The following LCP1 variants were observed in gnomAD, a reference collection of about 807,000 sequenced individuals.
The protein encoded by LCP1 is lymphocyte cytosolic protein 1.
In LCP1, 23 loss-of-function variants were observed where a neutral mutation model predicts 72.0. That is an observed-to-expected ratio of 0.32 (90% CI 0.23 to 0.45). The LOEUF is 0.45. Among genes scored for constraint, LCP1 ranks in the 20% least tolerant of loss-of-function variants. LCP1 has a pLI of 1.00. For missense variants in LCP1, 571 were observed against 748.3 expected, an observed-to-expected ratio of 0.76 and a Z score of 2.76; for synonymous variants, 245 against 275.4, an observed-to-expected ratio of 0.89 and a Z score of 1.09.
intron 1 of LCP1, among the ~76,000 whole-genome samples, chr13:46,175,414 C>A (rs1320949958): frequency 2.0e-5 from 3 of 152,188 alleles, no homozygotes; most frequent in Non-Finnish European, 2.9e-5. Flanking sequence ...TTACCAAGAG[C>A]CCAGAATATA....
chr13:46,134,563 C>A (rs2045652698), intron 13 of LCP1, among the ~76,000 whole-genome samples: 2 of 152,006 alleles, frequency 1.3e-5, no homozygotes, highest in South Asian at 4.1e-4. Flanking sequence ...AAGATTCCAA[C>A]CTGTGGCAAT....
chr13:46,129,047 T>G (rs2045618525), intron 15 of LCP1, among the ~76,000 whole-genome samples: 1 of 152,192 alleles, frequency 6.6e-6, no homozygotes, highest in South Asian at 2.1e-4. Context: ...AATAACTTCT[T>G]CCATATTAAT....
At chr13:46,158,475 G>T in intron 4 of LCP1, 47 bp downstream of exon 4, 1 of 1,597,798 alleles carries the variant, frequency 6.3e-7, no homozygotes, top group South Asian at 1.1e-5. Context: ...ACCAAGTTTA[G>T]AATCTGTAAT....
chr13:46,148,088 C>G (rs565617532), intron 9 of LCP1, among the ~76,000 whole-genome samples: 70 of 152,326 alleles, frequency 4.6e-4, no homozygotes, highest in African/African-American at 1.5e-3. Context: ...GTTATAGAGT[C>G]TACTAAATGA....
rs763342721 is a variant in LCP1 at position 46,143,329 on chromosome 13, G to A, written c.1329C>T (p.Asn443=). 6 of 1,611,618 alleles carry A rather than the reference G, an allele frequency of 3.7e-6. No individual in the cohort carries two copies. Among genetic ancestry groups the A allele is most frequent in the Non-Finnish European group, 5.1e-6 (6 of 1,177,934 alleles). The change falls in exon 12 of 16, where the codon AAC becomes AAT. Residue 443 remains asparagine (N), a synonymous_variant. Transcript: ENST00000323076. ...CTCCCAGTTTGGGGTATGGCGGTTT[G>A]TTTACTCTGTTCCAGTCAACAGGAA... ...IKVPVDWNRV[N]KPPYPKLGGN...
At chr13:46,177,660 C>T (rs1332558272) in intron 1 of LCP1, among the ~76,000 whole-genome samples, 1 of 152,120 alleles carries the variant, frequency 6.6e-6, no homozygotes, top group Non-Finnish European at 1.5e-5. Context: ...GATCGCGCCA[C>T]TGCACTCCAG....
intron 14 of LCP1, 55 bp from the exon 15 acceptor site, chr13:46,130,993 C>A: frequency 6.6e-7 from 1 of 1,520,000 alleles, no homozygotes; most frequent in Non-Finnish European, 8.8e-7. Context: ...TACTCCCATT[C>A]AGCTCAAAGG....
Position 46,147,094 on chromosome 13 carries a change from C to T in LCP1, c.988G>A (p.Asp330Asn), listed in dbSNP as rs1170289327. The T allele has an allele frequency of 6.3e-7, 1 of 1,585,990 alleles. No individual in the cohort carries two copies. The highest frequency in any genetic ancestry group is 8.6e-7 in the Non-Finnish European group (1 of 1,167,886). The change falls in exon 10 of 16, where the codon GAC (aspartate) becomes AAC (asparagine). Residue 330 changes from aspartate to asparagine, a missense_variant. By Grantham distance (23) the Asp-to-Asn change is conservative (BLOSUM62 1). Transcript: ENST00000323076. Reference sequence around the variant, plus strand: ...AGCATGCATTCTGCCCTCTGGATGTCATCCTTCTCCTGCAATGCAAAAGGA... The same window carrying T: ...AGCATGCATTCTGCCCTCTGGATGTTATCCTTCTCCTGCAATGCAAAAGGA... ...IDMSGLREKD[D>N]IQRAECMLQQ...
In LCP1 at chr13:46,127,436, A is replaced by G. The variant is rs1411916846; in HGVS notation, c.*155T>C. The stretch of plus-strand genomic sequence containing the variant: ...AAGAATGAAGCACTTTTTGTTAAAT[A>G]CAGGAGAGGCTACTTGGCTGCACTA... On this transcript the variant is annotated 3_prime_UTR_variant, in exon 16 of 16. Transcript: ENST00000323076. The G allele has an allele frequency of 1.2e-6, 1 of 830,988 alleles. No individual in the cohort carries two copies. Among genetic ancestry groups the G allele is most frequent in the East Asian group, 2.7e-5 (1 of 37,486 alleles). 51.5% of individuals were successfully genotyped at this position (830,988 alleles called of 1,614,324 possible). A position where few individuals can be genotyped will look rare whatever the true frequency, so the allele number is the denominator to read the frequency against.
intron 1 of LCP1, among the ~76,000 whole-genome samples, chr13:46,179,620 A>G (rs2045947104): frequency 6.6e-6 from 1 of 152,210 alleles, no homozygotes; most frequent in Admixed American, 6.5e-5. Context: ...TCCGCCTTGA[A>G]AAATGATCAG....
chr13:46,158,423 T>C, intron 4 of LCP1, 99 bp downstream of exon 4: 2 of 1,367,176 alleles, frequency 1.5e-6, no homozygotes, highest in Non-Finnish European at 2.0e-6. Context: ...TCCATAAAGC[T>C]GTGTTTGCTT....
chr13:46,169,788 T>C (rs1204877399), intron 1 of LCP1: 1 of 152,200 alleles, frequency 6.6e-6, no homozygotes, highest in African/African-American at 2.4e-5. Context: ...GCCCTCCAAA[T>C]TTCCTTAGCA....
In LCP1 at chr13:46,164,402, T is replaced by C. The variant is rs1265952359; in HGVS notation, c.-24-4716A>G. On this transcript the variant is annotated intron_variant, in intron 1 of 15. Transcript: ENST00000323076. Reference sequence around the variant, plus strand: ...TTAAAAGACATAGAAAGTACATGTATTTTAAAATCATATTATTTTTAAACC... The same window carrying C: ...TTAAAAGACATAGAAAGTACATGTACTTTAAAATCATATTATTTTTAAACC... 2.6e-5 allele frequency among the ~76,000 whole-genome samples: 4 copies of C among 152,214 alleles called. No homozygotes were observed. In the East Asian group the frequency reaches 7.7e-4, roughly 29 times the overall value.
chr13:46,159,626 C>G lies in LCP1; in HGVS notation c.37G>C (p.Glu13Gln). The G allele has an allele frequency of 6.2e-7, 1 of 1,614,116 alleles. No homozygotes were observed. The highest frequency in any genetic ancestry group is 2.2e-5 in the East Asian group (1 of 44,870). The part of the protein sequence containing the change: ...RGSVSDEEMM[E>Q]LREAFAKVDT... Reference sequence around the variant, plus strand: ...ACTTTGGCAAAAGCTTCTCTGAGCTCCATCATTTCCTCATCGGACACTGAT... The same window carrying G: ...ACTTTGGCAAAAGCTTCTCTGAGCTGCATCATTTCCTCATCGGACACTGAT... The change falls in exon 2 of 16, where the codon GAG (glutamate) becomes CAG (glutamine). Residue 13 changes from glutamate to glutamine, a missense_variant. Glu to Gln is a conservative substitution (Grantham distance 29). Transcript: ENST00000323076.
intron 10 of LCP1, among the ~76,000 whole-genome samples, chr13:46,145,864 C>A (rs1456268405): frequency 1.5e-5 from 1 of 67,384 alleles, no homozygotes; most frequent in South Asian, 3.0e-4. Flanking sequence ...AGCCGAGATC[C>A]CGCCACTGCA....
rs750758016 is a variant in LCP1 at position 46,151,085 on chromosome 13, A to C, written c.740-7T>G. 4 of 1,602,350 alleles carry C rather than the reference A, an allele frequency of 2.5e-6. 1 individual carries two copies. In the South Asian group the frequency reaches 3.3e-5, roughly 13 times the overall value. Reference sequence around the variant, plus strand: ...CTCAAAAGAGCAATCAGAGCTGAAGAAGCACAAAAACCACAGAAAAATAAA... The same window carrying C: ...CTCAAAAGAGCAATCAGAGCTGAAGCAGCACAAAAACCACAGAAAAATAAA... On this transcript the variant is annotated splice_polypyrimidine_tract_variant and splice_region_variant and intron_variant, in intron 7 of 15. Transcript: ENST00000323076.
intron 4 of LCP1, among the ~76,000 whole-genome samples, chr13:46,158,055 C>T (rs1028155268): frequency 2.0e-5 from 3 of 152,122 alleles, no homozygotes; most frequent in Admixed American, 6.6e-5. Context: ...GATCAACTAA[C>T]GTTTTGAATA....
Position 46,159,677 on chromosome 13 carries a change from G to C in LCP1, c.-15C>G, listed in dbSNP as rs772900284. The C allele has an allele frequency of 6.2e-5, 100 of 1,606,046 alleles. No homozygotes were observed. The highest frequency in any genetic ancestry group is 8.2e-5 in the Non-Finnish European group (96 of 1,172,850). On this transcript the variant is annotated 5_prime_UTR_variant, in exon 2 of 16. Coordinates refer to ENST00000323076, the MANE Select transcript of LCP1 (RefSeq NM_002298.5). ...CCTCTGGCCATTTTTTATTGCTTTA[G>C]GTAACAGATCTGGAGAGAAGAAGAA...
intron 2 of LCP1, 133 bp from the exon 3 acceptor site, chr13:46,159,122 A>G: frequency 1.3e-6 from 1 of 777,566 alleles, no homozygotes; most frequent in Non-Finnish European, 2.1e-6. Context: ...GATCCCAGGG[A>G]AGAGTCAGAA....
Sources: gnomAD v4.1 joint callset for allele counts (sites outside exome capture counted in the v4.1 genomes callset) on GRCh38, gnomAD v4.1.1 for gene constraint, MANE v1.5 for transcripts, NCBI Gene and HGNC (gene_info 2026-07-23, HGNC 2026-07-21) for gene names.